TNFRSF21: variants seen among roughly 807,000 people sequenced by gnomAD.
TNFRSF21 encodes the protein TNF receptor superfamily member 21.
A neutral mutation model predicts 45.6 loss-of-function variants in TNFRSF21; 19 were observed. That is an observed-to-expected ratio of 0.42 (90% CI 0.29 to 0.61). TNFRSF21 has a LOEUF of 0.61. Ranked by LOEUF, TNFRSF21 falls within the 20% of genes least tolerant of loss-of-function variation. The pLI is 0.23. For synonymous variants in TNFRSF21, 314 were observed against 335.5 expected (o/e 0.94, Z 0.70); for missense variants, 737 against 851.5 (o/e 0.87, Z 1.67).
chr6:47,253,577 A>G lies in TNFRSF21; in HGVS notation c.1244-56T>C, dbSNP rs1450195826. 7 of 1,578,028 alleles carry G rather than the reference A, an allele frequency of 4.4e-6. No individual in the cohort carries two copies. The East Asian group carries it at 1.3e-4, about 30-fold the overall frequency. ...AGGGCTTGTAAGGGAAGCTTCTTAC[A>G]TAAGGCAGCTCTGCTTTAATGAATG... On this transcript the variant is annotated intron_variant, in intron 3 of 5. Transcript: ENST00000296861.
intron 1 of TNFRSF21, among the ~76,000 whole-genome samples, chr6:47,289,887 G>A (rs1278389659): frequency 6.6e-6 from 1 of 152,134 alleles, no homozygotes; most frequent in African/African-American, 2.4e-5. Context: ...CCAGCTACTT[G>A]GGAGGCAGAG....
intron 3 of TNFRSF21, among the ~76,000 whole-genome samples, chr6:47,258,398 GT>G (rs1162552203): frequency 1.4e-3 from 187 of 131,044 alleles, no homozygotes; most frequent in Admixed American, 6.5e-3. Context: ...AGTAATTGTG[GT>G]TTTTTTTTTT....
intron 4 of TNFRSF21, among the ~76,000 whole-genome samples, chr6:47,237,333 T>C (rs1764676760): frequency 6.6e-6 from 1 of 152,184 alleles, no homozygotes; most frequent in Admixed American, 6.5e-5. Context: ...TGCTTTACCA[T>C]AATATATACA....
intron 1 of TNFRSF21, among the ~76,000 whole-genome samples, chr6:47,302,032 C>G (rs1465225437): frequency 6.6e-6 from 1 of 152,098 alleles, no homozygotes; most frequent in Admixed American, 6.6e-5. Flanking sequence ...GGTCTTGTCC[C>G]AAAGGTTATT....
chr6:47,250,158 A>AT (rs1439559029), intron 4 of TNFRSF21, among the ~76,000 whole-genome samples: 2 of 152,200 alleles, frequency 1.3e-5, no homozygotes, highest in African/African-American at 4.8e-5. Context: ...TATAAGAGAC[A>AT]TTTTTTAAAT....
intron 3 of TNFRSF21, among the ~76,000 whole-genome samples, chr6:47,269,662 A>G (rs188139125): frequency 8.5e-5 from 13 of 152,380 alleles, no homozygotes; most frequent in Non-Finnish European, 1.9e-4. Context: ...ATGGATAACA[A>G]TAACTCTCAA....
chr6:47,256,176 T>C (rs919135906), intron 3 of TNFRSF21, among the ~76,000 whole-genome samples: 8 of 152,212 alleles, frequency 5.3e-5, no homozygotes, highest in Non-Finnish European at 1.2e-4. Flanking sequence ...ACCAATCCAC[T>C]GAAAATGGTT....
At chr6:47,289,075 T>C (rs1762685775) in intron 1 of TNFRSF21, among the ~76,000 whole-genome samples, 2 of 152,222 alleles carry the variant, frequency 1.3e-5, no homozygotes, top group African/African-American at 4.8e-5. Flanking sequence ...AGAGAAAGTT[T>C]TTCTGCATTA....
At chr6:47,263,199 C>T (rs1217049569) in intron 3 of TNFRSF21, among the ~76,000 whole-genome samples, 1 of 152,092 alleles carries the variant, frequency 6.6e-6, no homozygotes, top group Non-Finnish European at 1.5e-5. Flanking sequence ...AGGTTTCATC[C>T]TGAGCAAGTG....
intron 3 of TNFRSF21, among the ~76,000 whole-genome samples, chr6:47,271,764 A>G (rs1005597893): frequency 6.6e-6 from 1 of 152,152 alleles, no homozygotes; most frequent in African/African-American, 2.4e-5. Context: ...TGTATTCAGG[A>G]GACCCATCTC....
chr6:47,241,735 C>T (rs1764748581), intron 4 of TNFRSF21, among the ~76,000 whole-genome samples: 3 of 152,134 alleles, frequency 2.0e-5, no homozygotes, highest in Admixed American at 2.0e-4. Flanking sequence ...TCTCTTAAAA[C>T]ATTATTTTAA....
intron 4 of TNFRSF21, among the ~76,000 whole-genome samples, chr6:47,248,543 C>G (rs1191098944): frequency 6.6e-6 from 1 of 152,150 alleles, no homozygotes; most frequent in Non-Finnish European, 1.5e-5. Flanking sequence ...TTCACTTGCT[C>G]AATTTTGTTT....
intron 3 of TNFRSF21, 29 bp from the exon 4 acceptor site, chr6:47,253,550 T>A: frequency 6.2e-7 from 1 of 1,600,514 alleles, no homozygotes; most frequent in East Asian, 2.2e-5. Context: ...AAAAAACAAA[T>A]GAGGGCTTGT....
At chr6:47,242,378 G>A (rs146875463) in intron 4 of TNFRSF21, among the ~76,000 whole-genome samples, 3 of 152,226 alleles carry the variant, frequency 2.0e-5, no homozygotes, top group Non-Finnish European at 2.9e-5. Flanking sequence ...TCAAATCAAG[G>A]TAGTTGGCTA....
Position 47,232,652 on chromosome 6 carries a change from C to T in TNFRSF21, c.*113G>A, listed in dbSNP as rs1414700857. On this transcript the variant is annotated 3_prime_UTR_variant, in exon 6 of 6. Transcript: ENST00000296861. ...ACACACACACACACACACACACACA[C>T]ACACACAAACACACACACACACCCC... is the stretch of plus-strand genomic sequence containing the variant. 1.2e-6 allele frequency: 1 copy of T among 847,130 alleles called. No individual in the cohort carries two copies. The highest frequency in any genetic ancestry group is 1.7e-5 in the African/African-American group (1 of 57,244). The allele number at this position is 847,130 out of a possible 1,614,324, so 52.5% of individuals were successfully genotyped here.
intron 3 of TNFRSF21, among the ~76,000 whole-genome samples, chr6:47,254,885 GA>G (rs1041576447): frequency 5.1e-4 from 78 of 152,014 alleles, no homozygotes; most frequent in African/African-American, 1.6e-3. Context: ...ACACAGGTAA[GA>G]AAAAAAATAC....
intron 3 of TNFRSF21, among the ~76,000 whole-genome samples, chr6:47,277,676 C>T (rs1367570377): frequency 7.9e-5 from 12 of 152,198 alleles, no homozygotes; most frequent in Admixed American, 7.9e-4. Flanking sequence ...AGTCTTTGTT[C>T]CTAACTGCAT....
intron 3 of TNFRSF21, among the ~76,000 whole-genome samples, chr6:47,254,441 T>C (rs962528371): frequency 6.6e-6 from 1 of 152,228 alleles, no homozygotes; most frequent in Non-Finnish European, 1.5e-5. Flanking sequence ...AAAGCTAAAC[T>C]GTGGATAAGG....
At chr6:47,262,709 G>A (rs759825898) in intron 3 of TNFRSF21, among the ~76,000 whole-genome samples, 3 of 152,172 alleles carry the variant, frequency 2.0e-5, no homozygotes, top group Non-Finnish European at 4.4e-5. Context: ...GGCAAAGGGA[G>A]CAGCAGGTGC....
Sources: gnomAD v4.1 joint callset for allele counts (sites outside exome capture counted in the v4.1 genomes callset) on GRCh38, gnomAD v4.1.1 for gene constraint, MANE v1.5 for transcripts, NCBI Gene and HGNC (gene_info 2026-07-23, HGNC 2026-07-21) for gene names.